Variants in RPSA2 observed in about 807,000 individuals in gnomAD.
RPSA2 encodes small ribosomal subunit protein uS2B.
chr19:23,804,496 C>T, the RPSA2 span, among the ~76,000 whole-genome samples: 2 of 151,976 alleles, frequency 1.3e-5, no homozygotes, highest in South Asian at 2.1e-4. Flanking sequence ...GGGGTTTCAC[C>T]GTGTTAGCCA....
the RPSA2 span, among the ~76,000 whole-genome samples, chr19:23,836,098 C>A: frequency 4.7e-4 from 71 of 152,032 alleles, no homozygotes; most frequent in Non-Finnish European, 9.1e-4. Context: ...GCACCCATCA[C>A]CCAAGCAGTA....
At chr19:23,832,341 C>A in the RPSA2 span, 1 of 478,990 alleles carries the variant, frequency 2.1e-6, no homozygotes, top group Non-Finnish European at 4.2e-6. Context: ...TTATCTGGTC[C>A]TCAGGCCTTA....
chr19:23,813,709 A>G, the RPSA2 span, among the ~76,000 whole-genome samples: 53 of 138,322 alleles, frequency 3.8e-4, no homozygotes, highest in Non-Finnish European at 1.7e-4. Flanking sequence ...CTTGTTTTCT[A>G]CTGACAATCA....
At chr19:23,810,267 G>A in the RPSA2 span, among the ~76,000 whole-genome samples, 5 of 151,890 alleles carry the variant, frequency 3.3e-5, no homozygotes, top group Admixed American at 6.6e-5. Context: ...GGTGGCAGGC[G>A]CCTGTAGTCC....
the RPSA2 span, among the ~76,000 whole-genome samples, chr19:23,782,838 G>A: frequency 7.9e-5 from 12 of 152,164 alleles, no homozygotes; most frequent in East Asian, 1.8e-3. Flanking sequence ...TCTTGTCTAT[G>A]AGCCCTACCC....
chr19:23,830,415 G>A, the RPSA2 span, among the ~76,000 whole-genome samples: 1 of 152,098 alleles, frequency 6.6e-6, no homozygotes, highest in Non-Finnish European at 1.5e-5. Context: ...AAAGTGCCTG[G>A]ATTACAGGCA....
chr19:23,826,156 AAAC>A, the RPSA2 span, among the ~76,000 whole-genome samples: 4 of 151,792 alleles, frequency 2.6e-5, no homozygotes, highest in Non-Finnish European at 5.9e-5. Flanking sequence ...AACACATATT[AAAC>A]AACAAGTACT....
chr19:23,814,002 T>C, the RPSA2 span, among the ~76,000 whole-genome samples: 1 of 152,068 alleles, frequency 6.6e-6, no homozygotes, highest in Middle Eastern at 3.4e-3. Flanking sequence ...ATTACAGGCG[T>C]GAGCCACCGT....
chr19:23,853,685 C>A, the RPSA2 span, among the ~76,000 whole-genome samples: 3 of 152,146 alleles, frequency 2.0e-5, no homozygotes, highest in African/African-American at 4.8e-5. Context: ...GGTGGGAGCA[C>A]TATAAGAGTT....
the RPSA2 span, among the ~76,000 whole-genome samples, chr19:23,858,690 AG>A: frequency 0.016 from 2,498 of 152,340 alleles, 30 homozygotes; most frequent in South Asian, 0.032. Context: ...CCAATAGGAA[AG>A]GAGCTACATG....
At chr19:23,866,526 C>T in the RPSA2 span, among the ~76,000 whole-genome samples, 4 of 150,266 alleles carry the variant, frequency 2.7e-5, no homozygotes, top group Non-Finnish European at 1.5e-5. Context: ...CCCCCCCGCC[C>T]AGTGGAAATA....
the RPSA2 span, among the ~76,000 whole-genome samples, chr19:23,858,736 T>A: frequency 6.6e-6 from 1 of 152,218 alleles, no homozygotes; most frequent in Non-Finnish European, 1.5e-5. Context: ...AGCTCCATCT[T>A]CCCTTGTCTT....
chr19:23,776,305 C>T, the RPSA2 span, among the ~76,000 whole-genome samples: 18 of 152,270 alleles, frequency 1.2e-4, no homozygotes, highest in African/African-American at 3.9e-4. Context: ...GGTGATGTGA[C>T]CCCATTGTCT....
chr19:23,828,684 A>G, the RPSA2 span, among the ~76,000 whole-genome samples: 1 of 151,428 alleles, frequency 6.6e-6, no homozygotes, highest in Admixed American at 6.6e-5. Context: ...TGGTCTTTCA[A>G]GGGAAATGTT....
chr19:23,855,814 G>C, the RPSA2 span, among the ~76,000 whole-genome samples: 1 of 152,176 alleles, frequency 6.6e-6, no homozygotes, highest in Non-Finnish European at 1.5e-5. Flanking sequence ...AGGAGCTGCA[G>C]TAGATGGGGG....
the RPSA2 span, among the ~76,000 whole-genome samples, chr19:23,869,714 A>G: frequency 6.6e-6 from 1 of 152,160 alleles, no homozygotes; most frequent in Non-Finnish European, 1.5e-5. Context: ...CCTCTTCCTC[A>G]GTGGCATTAT....
At chr19:23,790,413 G>A in the RPSA2 span, among the ~76,000 whole-genome samples, 3 of 152,230 alleles carry the variant, frequency 2.0e-5, no homozygotes, top group East Asian at 5.8e-4. Context: ...GTTCTGGGGT[G>A]GGCCTGGCTC....
the RPSA2 span, among the ~76,000 whole-genome samples, chr19:23,822,587 A>C: frequency 6.6e-6 from 1 of 152,166 alleles, no homozygotes; most frequent in East Asian, 1.9e-4. Flanking sequence ...GGCCCTGTTC[A>C]TCATAATAAA....
the RPSA2 span, among the ~76,000 whole-genome samples, chr19:23,761,251 CT>C: frequency 1.3e-5 from 2 of 151,904 alleles, no homozygotes; most frequent in African/African-American, 4.8e-5. Context: ...GGCCAATTTT[CT>C]AAATTTTTGT....
Sources: gnomAD v4.1 joint callset for allele counts (sites outside exome capture counted in the v4.1 genomes callset) on GRCh38, gnomAD v4.1.1 for gene constraint, MANE v1.5 for transcripts, NCBI Gene and HGNC (gene_info 2026-07-23, HGNC 2026-07-21) for gene names.